PHF19: variants seen among roughly 807,000 people sequenced by gnomAD.
The protein encoded by PHF19 is polycomb like 3.
Under a neutral mutation model 79.8 loss-of-function variants are expected in PHF19, and 21 were observed. The observed-to-expected ratio is 0.26, with a 90% CI of 0.19 to 0.38. The LOEUF is 0.38. Among genes scored for constraint, PHF19 ranks in the 10% least tolerant of loss-of-function variants. PHF19 has a pLI of 1.00. For missense variants in PHF19, 445 were observed against 744.2 expected (o/e 0.60, Z 4.68); for synonymous variants, 273 against 296.3 (o/e 0.92, Z 0.81).
chr9:120,869,112 T>C lies in PHF19; in HGVS notation c.614+70A>G. 3.4e-6 allele frequency: 5 copies of C among 1,486,364 alleles called. No homozygotes were observed. The South Asian group carries it at 6.4e-5, about 19-fold the overall frequency. 92.1% of individuals were successfully genotyped at this position (1,486,364 alleles called of 1,614,324 possible). ...GCTGACACGCCAGGCTCGCTCCCTATGGGCGGTCCCTGCTGGCGATTCTTG... is the reference window on the plus strand; with the variant it reads ...GCTGACACGCCAGGCTCGCTCCCTACGGGCGGTCCCTGCTGGCGATTCTTG... On this transcript the variant is annotated intron_variant, in intron 6 of 14. Transcript: ENST00000373896. The surrounding 1 kb of genome is among the most constrained non-coding windows in gnomAD (Gnocchi z 5.8).
Position 120,869,047 on chromosome 9 carries a change from A to G in PHF19, c.614+135T>C. On this transcript the variant is annotated intron_variant, in intron 6 of 14. Transcript: ENST00000373896. The surrounding 1 kb of genome is among the most constrained non-coding windows in gnomAD (Gnocchi z 5.8). ...CCGCCCCTCGAGGCCCCGCCCCCAC[A>G]GCGCAACACACTGGGCCCGCCCTCA... is the stretch of plus-strand genomic sequence containing the variant. 1.8e-6 allele frequency: 1 copy of G among 567,660 alleles called. No homozygotes were observed. Among genetic ancestry groups the G allele is most frequent in the Non-Finnish European group, 2.2e-6 (1 of 459,412 alleles). 35.2% of individuals were successfully genotyped at this position (567,660 alleles called of 1,614,324 possible). A position where few individuals can be genotyped will look rare whatever the true frequency, so the allele number is the denominator to read the frequency against.
chr9:120,883,816 TA>T (rs1162121234), intron 1 of PHF19, among the ~76,000 whole-genome samples: 3 of 146,086 alleles, frequency 2.1e-5, no homozygotes, highest in South Asian at 2.2e-4. Flanking sequence ...GGGGTGGGGC[TA>T]GGGGGACAGA....
Position 120,860,110 on chromosome 9 carries a change from G to A in PHF19, c.1380C>T (p.Thr460=). The change falls in exon 14 of 15, where the codon ACC becomes ACT. Residue 460 remains threonine, a synonymous_variant. Transcript: ENST00000373896. The surrounding 1 kb of genome is among the most constrained non-coding windows in gnomAD (Gnocchi z 4.1). ...DAASTSGSAS[T]SLSYDSRWTV... is the part of the protein sequence containing the mutation. The stretch of plus-strand genomic sequence containing the variant: ...CTCACCTGGAGTCATAGGAGAGGCT[G>A]GTGGAGGCAGAGCCAGAGGTGCTGG... 1 of 1,592,560 alleles carries A rather than the reference G, an allele frequency of 6.3e-7. No homozygotes were observed. The highest frequency in any genetic ancestry group is 8.6e-7 in the Non-Finnish European group (1 of 1,166,568).
In PHF19 at chr9:120,870,401, T is replaced by C; in HGVS notation, c.364+42A>G. 2 of 1,261,256 alleles carry C rather than the reference T, an allele frequency of 1.6e-6. No individual in the cohort carries two copies. Among genetic ancestry groups the C allele is most frequent in the South Asian group, 1.2e-5 (1 of 83,650 alleles). The allele number at this position is 1,261,256 out of a possible 1,614,324, so 78.1% of individuals were successfully genotyped here. ...CGTCAGGGGCCAGTGCGTGGGGACCTATAGGTCGGGGCCTTCTCAGGGCCC... is the reference window on the plus strand; with the variant it reads ...CGTCAGGGGCCAGTGCGTGGGGACCCATAGGTCGGGGCCTTCTCAGGGCCC... On this transcript the variant is annotated intron_variant, in intron 4 of 14. Transcript: ENST00000373896. This position sits in a 1 kb window ranked among gnomAD's most constrained non-coding sequence, Gnocchi z 4.4.
intron 14 of PHF19, among the ~76,000 whole-genome samples, chr9:120,859,816 T>C (rs2045465389): frequency 6.6e-6 from 1 of 152,064 alleles, no homozygotes; most frequent in Admixed American, 6.5e-5. Flanking sequence ...AATCGTCCAG[T>C]GAGAGGTGTG....
intron 14 of PHF19, among the ~76,000 whole-genome samples, chr9:120,858,743 C>T (rs1396511079): frequency 6.6e-6 from 1 of 151,464 alleles, no homozygotes; most frequent in Non-Finnish European, 1.5e-5. Flanking sequence ...AGATAGGTCA[C>T]ATAGGGCTGG....
intron 1 of PHF19, among the ~76,000 whole-genome samples, chr9:120,892,530 C>G (rs533804373): frequency 2.0e-5 from 3 of 152,232 alleles, no homozygotes; most frequent in East Asian, 1.9e-4. Context: ...CAATGGTGTG[C>G]CAGTGTCTTA....
rs1322318081 is a variant in PHF19 at position 120,870,533 on chromosome 9, C to G, written c.274G>C (p.Val92Leu). 6.2e-7 allele frequency: 1 copy of G among 1,606,670 alleles called. No individual in the cohort carries two copies. Among genetic ancestry groups the G allele is most frequent in the Non-Finnish European group, 8.5e-7 (1 of 1,173,140 alleles). Residue 92 changes from valine (V) to leucine (L), a missense_variant, in exon 4 of 15, where the codon GTT becomes CTT. Coordinates refer to ENST00000373896, the MANE Select transcript of PHF19 (RefSeq NM_015651.3). This position sits in a 1 kb window ranked among gnomAD's most constrained non-coding sequence, Gnocchi z 4.4. Reference protein sequence around the residue: ...VLWKDIQHAGVPGEEPKCNIC... With the variant: ...VLWKDIQHAGLPGEEPKCNIC... ...TTGCACTTGGGCTCCTCTCCTGGAA[C>G]ACCGGCTGAAAGAGAGGGCCTCGAG...
intron 6 of PHF19, among the ~76,000 whole-genome samples, chr9:120,867,997 C>A (rs2045754244): frequency 6.6e-6 from 1 of 152,238 alleles, no homozygotes; most frequent in Admixed American, 6.5e-5. Context: ...ATTCCCTCCA[C>A]AGTGGCCCCG....
At chr9:120,897,636 T>A (rs1186637536), upstream of PHF19, among the ~76,000 whole-genome samples, 2 of 151,548 alleles carry the variant, frequency 1.3e-5, no homozygotes, top group South Asian at 2.1e-4. Flanking sequence ...ACCTATCAAA[T>A]TTTTTTTTAT....
At chr9:120,863,742 T>C (rs149321336) in intron 10 of PHF19, among the ~76,000 whole-genome samples, 311 of 152,154 alleles carry the variant, frequency 2.0e-3, no homozygotes, top group Non-Finnish European at 3.4e-3. Context: ...CCCGAGATGA[T>C]GCACCCATCC....
chr9:120,898,558 T>G (rs1012463933), upstream of PHF19, among the ~76,000 whole-genome samples: 1 of 152,232 alleles, frequency 6.6e-6, no homozygotes, highest in Non-Finnish European at 1.5e-5. Flanking sequence ...TTTAAACAAA[T>G]TAATGTGCAG....
chr9:120,872,795 T>C (rs2045942485), intron 3 of PHF19, among the ~76,000 whole-genome samples: 1 of 151,702 alleles, frequency 6.6e-6, no homozygotes, highest in Non-Finnish European at 1.5e-5. Flanking sequence ...CGGGTAGCTG[T>C]ATTTTTAGTA....
chr9:120,893,749 A>C (rs2046370514), intron 1 of PHF19, among the ~76,000 whole-genome samples: 5 of 152,246 alleles, frequency 3.3e-5, no homozygotes, highest in Non-Finnish European at 1.5e-5. Flanking sequence ...CCAGGCAGAC[A>C]GTCAGGAAAG....
chr9:120,866,146 C>A lies in PHF19; in HGVS notation c.711-50G>T. On this transcript the variant is annotated intron_variant, in intron 7 of 14. Transcript: ENST00000373896. This position sits in a 1 kb window ranked among gnomAD's most constrained non-coding sequence, Gnocchi z 5.2. ...CTATGGTGGGAGGGGCTCTGACACC[C>A]CCACCCCAGTCCAGCCCCTTGATCT... 1.5e-6 allele frequency: 2 copies of A among 1,306,418 alleles called. No individual in the cohort carries two copies. The highest frequency in any genetic ancestry group is 2.2e-6 in the Non-Finnish European group (2 of 899,790). The allele number at this position is 1,306,418 out of a possible 1,614,324, so 80.9% of individuals were successfully genotyped here. A position where few individuals can be genotyped will look rare whatever the true frequency, so the allele number is the denominator to read the frequency against.
Position 120,870,582 on chromosome 9 carries a change from G to T in PHF19, c.269-44C>A. ...AGGGTCGGGTCCAGCTCACAGGAAT[G>T]GAAGTTTTATACTCACATTCCAGAT... On this transcript the variant is annotated intron_variant, in intron 3 of 14. Transcript: ENST00000373896. The surrounding 1 kb of genome is among the most constrained non-coding windows in gnomAD (Gnocchi z 4.4). The T allele has an allele frequency of 8.5e-7, 1 of 1,183,026 alleles. No individual in the cohort carries two copies. Among genetic ancestry groups the T allele is most frequent in the Non-Finnish European group, 1.3e-6 (1 of 787,030 alleles). 73.3% of individuals were successfully genotyped at this position (1,183,026 alleles called of 1,614,324 possible).
intron 3 of PHF19, among the ~76,000 whole-genome samples, chr9:120,872,565 A>G (rs1467895112): frequency 3.3e-5 from 5 of 152,134 alleles, no homozygotes; most frequent in Admixed American, 3.3e-4. Context: ...CACTGGCCAC[A>G]ATTTCTTGGA....
chr9:120,878,704 A>AT (rs1445134473), upstream of PHF19, among the ~76,000 whole-genome samples: 1 of 151,910 alleles, frequency 6.6e-6, no homozygotes, highest in African/African-American at 2.4e-5. Flanking sequence ...TCACTGCCCC[A>AT]TTCTGGATCC....
chr9:120,889,745 G>GA (rs1289586155), intron 1 of PHF19, among the ~76,000 whole-genome samples: 1 of 147,726 alleles, frequency 6.8e-6, no homozygotes. Context: ...ACCCTGTCTT[G>GA]AAAAAAAGAA....
Sources: allele counts gnomAD v4.1 joint callset (sites outside exome capture counted in the v4.1 genomes callset), GRCh38; gene constraint gnomAD v4.1.1; non-coding constraint Gnocchi (gnomAD v3.1); transcripts MANE v1.5; gene names NCBI Gene and HGNC (gene_info 2026-07-23, HGNC 2026-07-21).